The following PCM1 variants were observed in gnomAD, a reference collection of about 807,000 sequenced individuals.
PCM1 encodes pericentriolar material 1 protein.
A neutral mutation model predicts 241.9 loss-of-function variants in PCM1; 157 were observed. The observed-to-expected ratio is 0.65, with a 90% CI of 0.57 to 0.74. The LOEUF (loss-of-function observed/expected upper bound fraction) is 0.74. Ranked by LOEUF, PCM1 falls within the 30% of genes least tolerant of loss-of-function variation. The pLI is 0.00. For missense variants in PCM1, 3,478 were observed against 2,360.1 expected (o/e 1.47, Z -9.81); for synonymous variants, 1,085 against 784.9 (o/e 1.38, Z -6.39).
intron 15 of PCM1, 145 bp from the exon 16 acceptor site, chr8:17,961,889 T>C: frequency 1.7e-6 from 1 of 593,896 alleles, no homozygotes; most frequent in East Asian, 3.1e-5. Flanking sequence ...TTTCATGTTA[T>C]CTTCGGATGA....
chr8:18,019,791 G>A (rs62498204), intron 36 of PCM1, among the ~76,000 whole-genome samples: 2,581 of 152,274 alleles, frequency 0.017, 27 homozygotes, highest in Non-Finnish European at 0.022. Context: ...TATTTGGCCT[G>A]GTTCTTAACA....
chr8:17,969,915 TC>T (rs1190627189), intron 22 of PCM1, among the ~76,000 whole-genome samples, 167 bp downstream of exon 22: 2 of 152,166 alleles, frequency 1.3e-5, no homozygotes, highest in Non-Finnish European at 1.5e-5. Context: ...GCCAGATACT[TC>T]CTGGTAACCC....
intron 13 of PCM1, among the ~76,000 whole-genome samples, chr8:17,959,394 T>C (rs977650372): frequency 2.6e-5 from 4 of 152,198 alleles, no homozygotes; most frequent in African/African-American, 7.2e-5. Flanking sequence ...TGGACTTTAG[T>C]TAATGTATAA....
At chr8:17,969,780 A>AACATTC (rs1348228814) in intron 22 of PCM1, 32 bp downstream of exon 22, 1 of 1,485,104 alleles carries the variant, frequency 6.7e-7, no homozygotes, top group Admixed American at 1.8e-5. Flanking sequence ...TTATTGCTTA[A>AACATTC]ACATTCACTT....
Position 18,026,739 on chromosome 8 carries a change from T to A in PCM1, c.6050-898T>A, listed in dbSNP as rs116543438. Among the ~76,000 whole-genome samples the A allele has an allele frequency of 4.2e-3, 632 of 152,182 alleles. 3 individuals carry two copies. Among genetic ancestry groups the A allele is most frequent in the African/African-American group, 0.014 (580 of 41,522 alleles). ...TTCATATTATTTTTGTTTGTTCTAT[T>A]TTTTACTTTCAATTTTGGTTAAGTA... On this transcript the variant is annotated intron_variant, in intron 38 of 38. Coordinates refer to ENST00000325083, the MANE Select transcript of PCM1 (RefSeq NM_006197.4).
chr8:17,942,718 G>A (rs533905401), intron 6 of PCM1, among the ~76,000 whole-genome samples: 18 of 152,074 alleles, frequency 1.2e-4, no homozygotes, highest in Admixed American at 5.2e-4. Context: ...TGAATAGGCC[G>A]GGCACGGTGG....
intron 34 of PCM1, 189 bp from the exon 35 acceptor site, chr8:18,013,775 A>G (rs1179364219): frequency 1.9e-6 from 1 of 532,396 alleles, no homozygotes; most frequent in Non-Finnish European, 3.3e-6. Context: ...TAAGGCAACA[A>G]GGAAACCCTT....
At chr8:17,963,317 T>G in intron 17 of PCM1, 26 bp downstream of exon 17, 1 of 1,536,092 alleles carries the variant, frequency 6.5e-7, no homozygotes, top group Non-Finnish European at 8.8e-7. Flanking sequence ...AAATCACTTT[T>G]CTAAAAATGT....
intron 2 of PCM1, among the ~76,000 whole-genome samples, chr8:17,928,718 G>C (rs927946548): frequency 7.2e-6 from 1 of 137,946 alleles, no homozygotes; most frequent in East Asian, 2.3e-4. Context: ...TGTAACCTCT[G>C]CCTCCCGGGT....
rs997110127 is a variant in PCM1, at chr8:17,968,596, T to C, written c.3413-981T>C. ...GAGTTAAAGGTGTTGGCAGGGAATA[T>C]AGGAGGAGAAAAAAGGTTGAGAGGG... On this transcript the variant is annotated intron_variant, in intron 21 of 38. Coordinates refer to ENST00000325083, the MANE Select transcript of PCM1 (RefSeq NM_006197.4). 3.3e-5 allele frequency among the ~76,000 whole-genome samples: 5 copies of C among 151,966 alleles called. No homozygotes were observed. In the East Asian group the frequency reaches 5.8e-4, roughly 18 times the overall value.
At chr8:17,993,222 G>A (rs562557951) in intron 28 of PCM1, among the ~76,000 whole-genome samples, 2 of 151,998 alleles carry the variant, frequency 1.3e-5, no homozygotes, top group East Asian at 3.9e-4. Flanking sequence ...GTGGTTTCAG[G>A]TATTAGATTT....
At chr8:17,978,692 G>A (rs7820798) in intron 23 of PCM1, among the ~76,000 whole-genome samples, 5,695 of 152,180 alleles carry the variant, frequency 0.037, 163 homozygotes, top group African/African-American at 0.074. Flanking sequence ...GAAACAACCT[G>A]TGAATCAAAA....
Position 17,956,750 on chromosome 8 carries a change from A to G in PCM1, c.1619A>G (p.Glu540Gly), listed in dbSNP as rs929033072. The change falls in exon 11 of 39, where the codon GAA (glutamate) becomes GGA (glycine). Residue 540 changes from glutamate (E) to glycine (G), a missense_variant. Physicochemically the swap from Glu to Gly is moderately conservative, Grantham distance 98. Coordinates refer to ENST00000325083, the MANE Select transcript of PCM1 (RefSeq NM_006197.4). Reference protein sequence around the residue: ...TEESEYDSEHENSEPVTNIRN... With the variant: ...TEESEYDSEHGNSEPVTNIRN... ...GAGTCAGAATATGATTCTGAGCATG[A>G]AAATTCCGAGCCTGTTACTAACATT... is the stretch of plus-strand genomic sequence containing the variant. 6.2e-7 allele frequency: 1 copy of G among 1,608,942 alleles called. No individual in the cohort carries two copies. The highest frequency in any genetic ancestry group is 8.5e-7 in the Non-Finnish European group (1 of 1,177,318).
chr8:17,938,751 A>G lies in PCM1; in HGVS notation c.354A>G (p.Gly118=). The G allele has an allele frequency of 6.2e-7, 1 of 1,609,790 alleles. No homozygotes were observed. Among genetic ancestry groups the G allele is most frequent in the Non-Finnish European group, 8.5e-7 (1 of 1,176,096 alleles). ...NFSDLDQRSI[G]SDSQGRATAA... ...TTTTTCATATATAGAGAAGCATTGG[A>G]AGTGATTCCCAAGGTAGAGCAACAG... The change falls in exon 5 of 39, where the codon GGA becomes GGG. Residue 118 remains glycine, a synonymous_variant. Transcript: ENST00000325083.
At position 17,949,723 on chromosome 8, in the gene PCM1, C is replaced by G. The variant is rs570697681; in HGVS notation, c.962-892C>G. Among the ~76,000 whole-genome samples the G allele has an allele frequency of 2.6e-5, 4 of 152,210 alleles. No homozygotes were observed. The South Asian group carries it at 8.3e-4, about 32-fold the overall frequency. On this transcript the variant is annotated intron_variant, in intron 7 of 38. Coordinates refer to ENST00000325083, the MANE Select transcript of PCM1 (RefSeq NM_006197.4). Reference sequence around the variant, plus strand: ...TGGTGCCCAGGCTGGTCTTGAACTCCTGCGCTCAAGTGATCTGCCCACCTT... The same window carrying G: ...TGGTGCCCAGGCTGGTCTTGAACTCGTGCGCTCAAGTGATCTGCCCACCTT...
intron 2 of PCM1, chr8:17,927,575 T>TG (rs2057468935): frequency 6.6e-6 from 1 of 152,122 alleles, no homozygotes; most frequent in Admixed American, 6.5e-5. Context: ...TTTTTGGCGA[T>TG]GGAGTCTTGC....
rs997650430 is a variant in PCM1, at chr8:18,028,957, C to G, written c.*1295C>G. On this transcript the variant is annotated 3_prime_UTR_variant, in exon 39 of 39. Coordinates refer to ENST00000325083, the MANE Select transcript of PCM1 (RefSeq NM_006197.4). ...ACGAGGTCAAGAGATTGAGACCATC[C>G]TGCCCAACATGGGGGAAACCCCGTC... is the stretch of plus-strand genomic sequence containing the variant. 5.6e-6 allele frequency: 1 copy of G among 179,020 alleles called. No homozygotes were observed. The highest frequency in any genetic ancestry group is 6.3e-5 in the Admixed American group (1 of 15,870). The allele number at this position is 179,020 out of a possible 1,614,324, so 11.1% of individuals were successfully genotyped here. A position where few individuals can be genotyped will look rare whatever the true frequency, so the allele number is the denominator to read the frequency against.
At chr8:17,949,300 G>A (rs2065098566) in intron 7 of PCM1, among the ~76,000 whole-genome samples, 1 of 151,982 alleles carries the variant, frequency 6.6e-6, no homozygotes, top group Admixed American at 6.6e-5. Flanking sequence ...GGATAATTAT[G>A]TTACCTCAAA....
chr8:18,006,344 G>A lies in PCM1; in HGVS notation c.4909G>A (p.Glu1637Lys). The change falls in exon 30 of 39, where the codon GAG becomes AAG. Residue 1637 changes from glutamate (E) to lysine (K), a missense_variant. Coordinates refer to ENST00000325083, the MANE Select transcript of PCM1 (RefSeq NM_006197.4). ...MVLTLTQQNDESKEFVKFFHK... is the reference protein window; with the variant it reads ...MVLTLTQQNDKSKEFVKFFHK... ...TTTGACCCTTACCCAGCAAAATGATGAGAGCAAAGAGTTTGTAAAGTTCTT... is the reference window on the plus strand; with the variant it reads ...TTTGACCCTTACCCAGCAAAATGATAAGAGCAAAGAGTTTGTAAAGTTCTT... 1.2e-6 allele frequency: 2 copies of A among 1,613,064 alleles called. No homozygotes were observed. The highest frequency in any genetic ancestry group is 1.7e-6 in the Non-Finnish European group (2 of 1,179,206).
Sources: allele counts gnomAD v4.1 joint callset (sites outside exome capture counted in the v4.1 genomes callset), GRCh38; gene constraint gnomAD v4.1.1; transcripts MANE v1.5; gene names NCBI Gene and HGNC (gene_info 2026-07-23, HGNC 2026-07-21).